CDH13: variants seen among roughly 807,000 people sequenced by gnomAD.
CDH13 encodes the protein cadherin 13.
In CDH13, 24 loss-of-function variants were observed where a neutral mutation model predicts 63.8. The ratio of observed to expected loss-of-function variants is 0.38; its 90% CI spans 0.27 to 0.53. CDH13 has a LOEUF of 0.53. CDH13 is among the 20% of genes least tolerant of loss of function. The pLI is 0.85. For synonymous variants in CDH13, 503 were observed against 355.3 expected (o/e 1.42, Z -4.67); for missense variants, 1,049 against 903.1 (o/e 1.16, Z -2.07).
intron 11 of CDH13, among the ~76,000 whole-genome samples, chr16:83,751,830 G>A (rs372049095): frequency 5.0e-4 from 76 of 152,342 alleles, no homozygotes; most frequent in African/African-American, 1.5e-3. Flanking sequence ...TTTCATCAAC[G>A]TAAACAGGGA....
chr16:83,313,602 G>A (rs1232144133), intron 5 of CDH13, among the ~76,000 whole-genome samples: 2 of 148,364 alleles, frequency 1.3e-5, no homozygotes, highest in Non-Finnish European at 3.0e-5. Context: ...ATTTTGACAT[G>A]GGCAGTGCCA....
chr16:83,324,103 T>C (rs1038018336), intron 5 of CDH13, among the ~76,000 whole-genome samples: 4 of 150,152 alleles, frequency 2.7e-5, no homozygotes, highest in Non-Finnish European at 5.9e-5. Flanking sequence ...AATGGCACAA[T>C]CTTGGGTCAC....
chr16:83,173,320 G>C (rs916153907), intron 4 of CDH13, among the ~76,000 whole-genome samples: 1 of 152,068 alleles, frequency 6.6e-6, no homozygotes, highest in East Asian at 1.9e-4. Flanking sequence ...AGTTTAGAAG[G>C]TATTTGTTAA....
intron 2 of CDH13, among the ~76,000 whole-genome samples, chr16:82,904,582 G>A (rs905442893): frequency 6.6e-6 from 1 of 152,148 alleles, no homozygotes; most frequent in African/African-American, 2.4e-5. Context: ...AAAATGCAGG[G>A]GTTGCGGAGA....
At chr16:82,904,373 A>G (rs2041572759) in intron 2 of CDH13, among the ~76,000 whole-genome samples, 1 of 152,164 alleles carries the variant, frequency 6.6e-6, no homozygotes, top group Admixed American at 6.5e-5. Flanking sequence ...CTCTCTAAAG[A>G]GAGATTGATA....
At chr16:82,844,318 C>G (rs1304984875) in intron 1 of CDH13, 1 of 152,106 alleles carries the variant, frequency 6.6e-6, no homozygotes, top group African/African-American at 2.4e-5. Flanking sequence ...GGAGTTCAGC[C>G]CTGTGGCTTC....
chr16:83,602,370 G>C (rs763311011), intron 7 of CDH13, 84 bp from the exon 8 acceptor site: 10 of 1,370,334 alleles, frequency 7.3e-6, no homozygotes, highest in Admixed American at 1.7e-5. Flanking sequence ...GGGAGAGACA[G>C]CTCCAGCAAC....
chr16:83,574,278 A>T (rs1435152552), intron 7 of CDH13, among the ~76,000 whole-genome samples: 2 of 152,150 alleles, frequency 1.3e-5, no homozygotes, highest in African/African-American at 2.4e-5. Flanking sequence ...CTTGCTCTCC[A>T]TTCTTAGAAA....
rs575507407 is a variant in CDH13 at position 82,762,609 on chromosome 16, G to A, written c.46-95753G>A. On this transcript the variant is annotated intron_variant, in intron 1 of 13. Transcript: ENST00000567109. ...CCCCATCTTGGTGTTCTTGGTGATG[G>A]TCATGTTCCTGGCTGGGTCACTGCT... Among the ~76,000 whole-genome samples the A allele has an allele frequency of 2.6e-5, 4 of 152,260 alleles. No homozygotes were observed. In the South Asian group the frequency reaches 8.3e-4, roughly 32 times the overall value.
intron 6 of CDH13, among the ~76,000 whole-genome samples, chr16:83,448,509 G>A (rs1024032337): frequency 1.3e-5 from 2 of 152,172 alleles, no homozygotes; most frequent in Admixed American, 6.5e-5. Flanking sequence ...TCACTGTTGT[G>A]TAAAAGCAGC....
chr16:82,813,264 C>G lies in CDH13; in HGVS notation c.46-45098C>G, dbSNP rs148041653. Among the ~76,000 whole-genome samples the G allele has an allele frequency of 2.2e-3, 332 of 152,144 alleles. 7 individuals are homozygous for G. The East Asian group carries it at 0.041, about 19-fold the overall frequency. On this transcript the variant is annotated intron_variant, in intron 1 of 13. Transcript: ENST00000567109. ...CAATAAAAAAAATAAGGGTGTCATC[C>G]TTGGGGAAGGAGATGGGAGATGCTG...
intron 10 of CDH13, among the ~76,000 whole-genome samples, chr16:83,740,751 G>C (rs573049546): frequency 6.6e-6 from 1 of 152,182 alleles, no homozygotes. Flanking sequence ...TGGAGTCACA[G>C]AAGGTCATAC....
intron 1 of CDH13, among the ~76,000 whole-genome samples, chr16:82,720,765 G>A (rs2032720979): frequency 6.6e-6 from 1 of 152,034 alleles, no homozygotes; most frequent in East Asian, 1.9e-4. Context: ...TGTTCATGAT[G>A]GCCAGGTCTT....
chr16:82,732,570 T>C (rs2033459501), intron 1 of CDH13, among the ~76,000 whole-genome samples: 1 of 152,192 alleles, frequency 6.6e-6, no homozygotes, highest in African/African-American at 2.4e-5. Flanking sequence ...TGAGGGTTGT[T>C]TAAAAGAGAT....
intron 7 of CDH13, among the ~76,000 whole-genome samples, chr16:83,537,430 A>G (rs2075213487): frequency 6.6e-6 from 1 of 152,208 alleles, no homozygotes; most frequent in Non-Finnish European, 1.5e-5. Flanking sequence ...TTCCTTATCA[A>G]CAAGACTTGA....
intron 2 of CDH13, among the ~76,000 whole-genome samples, chr16:82,908,688 C>A (rs1293727381): frequency 6.6e-6 from 1 of 152,166 alleles, no homozygotes; most frequent in Non-Finnish European, 1.5e-5. Context: ...TAGGTACATA[C>A]AATCACCCCT....
intron 7 of CDH13, among the ~76,000 whole-genome samples, chr16:83,587,856 C>A (rs1314110696): frequency 1.3e-5 from 2 of 152,166 alleles, no homozygotes; most frequent in Non-Finnish European, 2.9e-5. Context: ...CCCAATTTTA[C>A]ACGGTGGCAA....
intron 7 of CDH13, among the ~76,000 whole-genome samples, chr16:83,539,664 C>G (rs560831874): frequency 1.3e-5 from 2 of 152,236 alleles, no homozygotes; most frequent in Admixed American, 1.3e-4. Flanking sequence ...CTACGTGTCA[C>G]TCATGGAGTC....
At chr16:82,759,671 A>G (rs891819202) in intron 1 of CDH13, among the ~76,000 whole-genome samples, 1 of 151,964 alleles carries the variant, frequency 6.6e-6, no homozygotes, top group Non-Finnish European at 1.5e-5. Flanking sequence ...TTGCCTTAAC[A>G]AGAAGCGGCA....
Sources: allele counts gnomAD v4.1 joint callset (sites outside exome capture counted in the v4.1 genomes callset), GRCh38; gene constraint gnomAD v4.1.1; transcripts MANE v1.5; gene names NCBI Gene and HGNC (gene_info 2026-07-23, HGNC 2026-07-21).